The following LRP1B variants were observed in gnomAD, a reference collection of about 807,000 sequenced individuals.
LRP1B encodes LDL receptor related protein 1B, also known as low-density lipoprotein receptor-related protein 1B.
A neutral mutation model predicts 556.6 loss-of-function variants in LRP1B; 217 were observed. The ratio of observed to expected loss-of-function variants is 0.39; its 90% CI spans 0.35 to 0.44. The LOEUF is 0.44. LRP1B is among the 20% of genes least tolerant of loss of function. The pLI is 1.00. For missense variants in LRP1B, 5,053 were observed against 5,620.8 expected (o/e 0.90, Z 3.23); for synonymous variants, 2,047 against 1,865.8 (o/e 1.10, Z -2.50).
chr2:141,626,450 A>C (rs1172107617), intron 2 of LRP1B, among the ~76,000 whole-genome samples: 12 of 152,232 alleles, frequency 7.9e-5, no homozygotes, highest in Admixed American at 7.9e-4. Context: ...TGAATGTAAT[A>C]ATTGATAAGC....
chr2:141,364,207 G>T (rs1317220028), intron 3 of LRP1B, among the ~76,000 whole-genome samples: 3 of 151,666 alleles, frequency 2.0e-5, no homozygotes, highest in African/African-American at 4.8e-5. Context: ...ACTCACTTTT[G>T]TAAAGAACTG....
intron 41 of LRP1B, among the ~76,000 whole-genome samples, chr2:140,616,989 G>A (rs1258079565): frequency 6.6e-6 from 1 of 151,808 alleles, no homozygotes; most frequent in Non-Finnish European, 1.5e-5. Flanking sequence ...AAAATTTATA[G>A]TGTGTATTTG....
chr2:141,045,743 C>T (rs1698850520), intron 11 of LRP1B, among the ~76,000 whole-genome samples: 1 of 151,944 alleles, frequency 6.6e-6, no homozygotes, highest in Non-Finnish European at 1.5e-5. Flanking sequence ...CAGCACCTGG[C>T]CCCGATACGG....
chr2:142,026,100 A>C (rs573131205), intron 1 of LRP1B, among the ~76,000 whole-genome samples: 2 of 152,232 alleles, frequency 1.3e-5, no homozygotes, highest in African/African-American at 4.8e-5. Context: ...CAACATTTTA[A>C]AATCCTGTCT....
At chr2:141,391,534 A>T (rs1310595807) in intron 3 of LRP1B, among the ~76,000 whole-genome samples, 3 of 152,144 alleles carry the variant, frequency 2.0e-5, no homozygotes, top group Admixed American at 6.5e-5. Flanking sequence ...GGAAAGGGTA[A>T]ATGAAGAGCC....
intron 18 of LRP1B, among the ~76,000 whole-genome samples, chr2:140,956,387 A>C (rs1186316662): frequency 6.6e-6 from 1 of 151,754 alleles, no homozygotes; most frequent in African/African-American, 2.4e-5. Context: ...GCTTAGAAAG[A>C]TTTGGGAAGG....
intron 43 of LRP1B, among the ~76,000 whole-genome samples, chr2:140,547,966 A>G (rs1047814393): frequency 4.6e-5 from 7 of 152,148 alleles, no homozygotes; most frequent in Middle Eastern, 3.4e-3. Flanking sequence ...CAGGAAAAAA[A>G]AAAAAAAGAA....
intron 84 of LRP1B, among the ~76,000 whole-genome samples, chr2:140,275,554 T>A (rs1682635631): frequency 6.6e-6 from 1 of 151,938 alleles, no homozygotes. Flanking sequence ...AGCTTCCCTG[T>A]ACACGTAGCA....
intron 35 of LRP1B, among the ~76,000 whole-genome samples, chr2:140,721,774 G>A (rs1687412842): frequency 1.3e-5 from 2 of 149,896 alleles, no homozygotes; most frequent in Non-Finnish European, 3.0e-5. Context: ...AGCCAGGATG[G>A]TCTCGATCTC....
intron 7 of LRP1B, among the ~76,000 whole-genome samples, chr2:141,094,520 C>T (rs931073254): frequency 6.6e-6 from 1 of 152,066 alleles, no homozygotes; most frequent in African/African-American, 2.4e-5. Context: ...TAAAGCTACA[C>T]GAGCAGGAGA....
At chr2:140,589,368 C>T (rs1682123922) in intron 43 of LRP1B, among the ~76,000 whole-genome samples, 1 of 151,892 alleles carries the variant, frequency 6.6e-6, no homozygotes, top group Admixed American at 6.6e-5. Context: ...TACAGTCATT[C>T]TGGAAAGCAG....
intron 3 of LRP1B, among the ~76,000 whole-genome samples, chr2:141,399,327 G>T (rs4328580): frequency 0.98 from 148,625 of 152,186 alleles, 72,683 homozygotes; most frequent in Middle Eastern, 1. Flanking sequence ...AATATGAGAT[G>T]TACCTTACAT....
chr2:141,807,269 CTTTT>C (rs5834870), intron 2 of LRP1B, among the ~76,000 whole-genome samples: 1 of 151,332 alleles, frequency 6.6e-6, no homozygotes. Context: ...TTTCATAACG[CTTTT>C]TTTTTCTATG....
intron 58 of LRP1B, among the ~76,000 whole-genome samples, chr2:140,486,131 T>G (rs1198219660): frequency 6.6e-6 from 1 of 152,012 alleles, no homozygotes; most frequent in African/African-American, 2.4e-5. Context: ...ATAAATATAA[T>G]ATATATAAAA....
chr2:141,213,963 C>A (rs1682675887), intron 6 of LRP1B, among the ~76,000 whole-genome samples: 1 of 152,048 alleles, frequency 6.6e-6, no homozygotes, highest in Non-Finnish European at 1.5e-5. Flanking sequence ...ACTTATACTA[C>A]CAAATACAAT....
In LRP1B at chr2:141,770,025, A is replaced by G. The variant is rs547564141; in HGVS notation, c.205+40254T>C. 4.7e-4 allele frequency among the ~76,000 whole-genome samples: 71 copies of G among 152,274 alleles called. 1 individual carries two copies. The South Asian group carries it at 0.014, about 31-fold the overall frequency. Reference sequence around the variant, plus strand: ...TACAAAGAGTTAGTATGACCTATTAAAGGACGGCATGAGAGCGGGGACAAA... The same window carrying G: ...TACAAAGAGTTAGTATGACCTATTAGAGGACGGCATGAGAGCGGGGACAAA... On this transcript the variant is annotated intron_variant, in intron 2 of 90. Transcript: ENST00000389484.
intron 82 of LRP1B, among the ~76,000 whole-genome samples, chr2:140,321,340 A>AAAAAAATCTTATCCATTTTGT (rs1680112538): frequency 6.6e-6 from 1 of 151,330 alleles, no homozygotes; most frequent in South Asian, 2.1e-4. Flanking sequence ...TGCATGAATG[A>AAAAAAATCTTATCCATTTTGT]AAAAAATCTT....
chr2:142,114,306 A>G (rs1405951950), intron 1 of LRP1B, among the ~76,000 whole-genome samples: 1 of 152,188 alleles, frequency 6.6e-6, no homozygotes, highest in Non-Finnish European at 1.5e-5. Context: ...AAGGAGCATC[A>G]TAAGAAGTAA....
intron 3 of LRP1B, among the ~76,000 whole-genome samples, chr2:141,325,193 T>A (rs979625424): frequency 5.6e-5 from 8 of 142,692 alleles, no homozygotes; most frequent in Non-Finnish European, 3.0e-5. Context: ...AATACCACAA[T>A]CTGATGAAAT....
Sources: gnomAD v4.1 joint callset for allele counts (sites outside exome capture counted in the v4.1 genomes callset) on GRCh38, gnomAD v4.1.1 for gene constraint, MANE v1.5 for transcripts, NCBI Gene and HGNC (gene_info 2026-07-23, HGNC 2026-07-21) for gene names.